KAZN: variants seen among roughly 807,000 people sequenced by gnomAD.
KAZN encodes kazrin.
KAZN carries 40 observed loss-of-function variants against 87.4 expected under a neutral mutation model. The ratio of observed to expected loss-of-function variants is 0.46; its 90% confidence interval spans 0.36 to 0.60. The LOEUF (loss-of-function observed/expected upper bound fraction) is 0.60, where lower values mean the gene tolerates loss of function less well. Among genes scored for constraint, KAZN ranks in the 20% least tolerant of loss-of-function variants. The probability of loss-of-function intolerance (pLI) is 0.00; values close to 1 mark genes in which losing one functional copy is unlikely to be tolerated. For missense variants in KAZN, 898 were observed against 1,073.9 expected (o/e 0.84, Z 2.29); for synonymous variants, 466 against 458.3 (o/e 1.02, Z -0.22).
chr1:14,642,490 A>T (rs1680481774), intron 1 of KAZN, among the ~76,000 whole-genome samples: 1 of 152,218 alleles, frequency 6.6e-6, no homozygotes, highest in Non-Finnish European at 1.5e-5. Context: ...TGGAAGCTTT[A>T]AAAAGCTGAT....
chr1:14,771,719 G>A (rs957996472), intron 1 of KAZN, among the ~76,000 whole-genome samples: 2 of 145,114 alleles, frequency 1.4e-5, no homozygotes, highest in East Asian at 1.9e-4. Flanking sequence ...CTAGCTACTC[G>A]TGTGGCTGAG....
intron 2 of KAZN, among the ~76,000 whole-genome samples, chr1:14,460,822 T>G (rs1345997876): frequency 1.3e-5 from 2 of 152,224 alleles, no homozygotes; most frequent in Non-Finnish European, 2.9e-5. Context: ...TTTTAGCAAG[T>G]GTGATCTAAT....
At chr1:14,065,962 G>C (rs1642991418) in intron 1 of KAZN, among the ~76,000 whole-genome samples, 1 of 151,972 alleles carries the variant, frequency 6.6e-6, no homozygotes, top group Admixed American at 6.5e-5. Flanking sequence ...TTTTTGTTTT[G>C]TTTTGTCTTT....
chr1:14,176,919 G>A (rs1646089827), intron 1 of KAZN, among the ~76,000 whole-genome samples: 1 of 152,146 alleles, frequency 6.6e-6, no homozygotes, highest in South Asian at 2.1e-4. Flanking sequence ...CAGCACTTTG[G>A]GAGGCCAAGG....
chr1:14,373,089 A>G (rs1039075126), intron 2 of KAZN, among the ~76,000 whole-genome samples: 3 of 152,126 alleles, frequency 2.0e-5, no homozygotes, highest in African/African-American at 7.2e-5. Context: ...ATTCATAAAA[A>G]GAAAGCTGGA....
chr1:14,997,204 CATTTATTTATTTATTTATTTATTT>C (rs35436643), intron 2 of KAZN, among the ~76,000 whole-genome samples: 7 of 120,812 alleles, frequency 5.8e-5, no homozygotes, highest in Non-Finnish European at 1.1e-4. Context: ...TTCTTTCTTT[CATTTATTTATTTATTTATTTATTT>C]ATTTATTTAT....
At chr1:14,514,593 T>TAA in intron 2 of KAZN, among the ~76,000 whole-genome samples, 1 of 28,272 alleles carries the variant, frequency 3.5e-5, no homozygotes, top group African/African-American at 1.1e-4. Context: ...TTTTTTTATA[T>TAA]TTTATATATA....
chr1:14,215,758 C>T (rs1282862682), intron 2 of KAZN, among the ~76,000 whole-genome samples: 1 of 152,014 alleles, frequency 6.6e-6, no homozygotes, highest in African/African-American at 2.4e-5. Context: ...GGATTTGAAC[C>T]CAGGTCTGAT....
intron 1 of KAZN, among the ~76,000 whole-genome samples, chr1:14,731,495 C>T (rs1042895665): frequency 6.6e-6 from 1 of 152,192 alleles, no homozygotes; most frequent in Admixed American, 6.5e-5. Context: ...CTTTTTCTCC[C>T]ATCCTCCCTT....
chr1:15,072,319 C>CTG (rs1362323146), intron 8 of KAZN, among the ~76,000 whole-genome samples: 11 of 152,172 alleles, frequency 7.2e-5, no homozygotes, highest in Non-Finnish European at 7.3e-5. Flanking sequence ...GGGCATCGGG[C>CTG]TGTGTGTGTG....
chr1:14,092,642 C>G (rs983555800), intron 1 of KAZN, among the ~76,000 whole-genome samples: 8 of 148,824 alleles, frequency 5.4e-5, no homozygotes, highest in Non-Finnish European at 8.9e-5. Context: ...CTTACACACA[C>G]ACACGCACTG....
chr1:14,362,598 A>G (rs1258815127), intron 2 of KAZN, among the ~76,000 whole-genome samples: 1 of 152,200 alleles, frequency 6.6e-6, no homozygotes, highest in Admixed American at 6.5e-5. Flanking sequence ...AGCAGCTAGA[A>G]GGCTAAGATA....
chr1:13,922,861 C>A (rs1020348468), intron 1 of KAZN, among the ~76,000 whole-genome samples: 1 of 152,192 alleles, frequency 6.6e-6, no homozygotes. Context: ...TTTTGTAAAG[C>A]TGTACCATTT....
chr1:14,271,207 G>A (rs574846013), intron 2 of KAZN, among the ~76,000 whole-genome samples: 28 of 152,200 alleles, frequency 1.8e-4, no homozygotes, highest in African/African-American at 6.7e-4. Context: ...TTGGATTAGG[G>A]CCCACCCTCA....
intron 2 of KAZN, among the ~76,000 whole-genome samples, chr1:14,223,458 A>G (rs547918482): frequency 1.0e-3 from 153 of 152,216 alleles, no homozygotes; most frequent in African/African-American, 3.6e-3. Flanking sequence ...CTTAAGAGAG[A>G]CCCCACTTTG....
At chr1:14,766,890 C>T (rs766750826) in intron 1 of KAZN, among the ~76,000 whole-genome samples, 13 of 151,786 alleles carry the variant, frequency 8.6e-5, no homozygotes, top group Non-Finnish European at 1.8e-4. Flanking sequence ...ACATTCAGTG[C>T]CCTTTAGCTA....
chr1:14,006,888 A>C lies in KAZN; in HGVS notation c.91+113132A>C, dbSNP rs764392289. Reference sequence around the variant, plus strand: ...TGAAAAATGCCACTGGAATTTTGATAGAGAATGCAGTGGGTCTCTATGTTG... The same window carrying C: ...TGAAAAATGCCACTGGAATTTTGATCGAGAATGCAGTGGGTCTCTATGTTG... On this transcript the variant is annotated intron_variant, in intron 1 of 16. Coordinates refer to the KAZN transcript ENST00000636203. Among the ~76,000 whole-genome samples the C allele has an allele frequency of 9.8e-5, 15 of 152,316 alleles. No individual in the cohort carries two copies. In the South Asian group the frequency reaches 2.5e-3, roughly 25 times the overall value.
At chr1:15,069,030 A>G (rs1639390994) in intron 8 of KAZN, among the ~76,000 whole-genome samples, 1 of 107,872 alleles carries the variant, frequency 9.3e-6, no homozygotes, top group African/African-American at 8.7e-5. Context: ...ACCTTAGGGA[A>G]AAAAAAAAAT....
At chr1:14,308,330 T>C (rs137888582) in intron 2 of KAZN, among the ~76,000 whole-genome samples, 3,021 of 152,274 alleles carry the variant, frequency 0.02, 146 homozygotes, top group Admixed American at 0.11. Flanking sequence ...TAGGAGAATA[T>C]ATTAGGAAAT....
Sources: allele counts gnomAD v4.1 joint callset (sites outside exome capture counted in the v4.1 genomes callset), GRCh38; gene constraint gnomAD v4.1.1; transcripts MANE v1.5; gene names NCBI Gene and HGNC (gene_info 2026-07-23, HGNC 2026-07-21).